The following CREG2 variants were observed in gnomAD, a reference collection of about 807,000 sequenced individuals.
The protein encoded by CREG2 is cellular repressor of E1A stimulated genes 2, also known as protein CREG2.
A neutral mutation model predicts 26.2 loss-of-function variants in CREG2; 24 were observed. The ratio of observed to expected loss-of-function variants is 0.92; its 90% CI spans 0.66 to 1.29. The LOEUF is 1.29. Ranked by LOEUF, CREG2 falls within the 50% of genes most tolerant of loss-of-function variation. The pLI is 0.00. For synonymous variants in CREG2, 174 were observed against 169.2 expected (o/e 1.03, Z -0.22); for missense variants, 366 against 398.6 (o/e 0.92, Z 0.70).
intron 2 of CREG2, among the ~76,000 whole-genome samples, chr2:101,365,714 C>A (rs1025927322): frequency 6.6e-6 from 1 of 152,108 alleles, no homozygotes; most frequent in Admixed American, 6.5e-5. Flanking sequence ...ATTGGCTTCT[C>A]TTGACAAATT....
intron 2 of CREG2, among the ~76,000 whole-genome samples, chr2:101,361,000 G>T (rs1228950445): frequency 6.6e-6 from 1 of 152,258 alleles, no homozygotes; most frequent in Non-Finnish European, 1.5e-5. Flanking sequence ...GTCATTAGTT[G>T]CACCCAATTT....
At position 101,367,285 on chromosome 2, in the gene CREG2, G is replaced by A. The variant is rs767275045; in HGVS notation, c.612-11919C>T. On this transcript the variant is annotated intron_variant, in intron 2 of 3. Transcript: ENST00000324768. ...CGAACAGTCCACTCTTGAGAGTCAA[G>A]GAACTGTCTAGCAAGACGGTTCAAT... Among the ~76,000 whole-genome samples, 191 of 152,258 alleles carry A rather than the reference G, an allele frequency of 1.3e-3. 1 individual carries two copies. Among genetic ancestry groups the A allele is most frequent in the Non-Finnish European group, 2.3e-3 (159 of 68,028 alleles).
At position 101,369,730 on chromosome 2, in the gene CREG2, C is replaced by T. The variant is rs542490611; in HGVS notation, c.611+13803G>A. ...ATGCTCTCTTTTTTTCATATTTATC[C>T]GTGACGGTGTTTAGCATGGCTCGTT... is the stretch of plus-strand genomic sequence containing the variant. On this transcript the variant is annotated intron_variant, in intron 2 of 3. Transcript: ENST00000324768. Among the ~76,000 whole-genome samples, 12 of 152,126 alleles carry T rather than the reference C, an allele frequency of 7.9e-5. No homozygotes were observed. The South Asian group carries it at 8.3e-4, about 10-fold the overall frequency.
intron 2 of CREG2, among the ~76,000 whole-genome samples, chr2:101,373,135 A>T (rs1288038888): frequency 6.6e-6 from 1 of 152,258 alleles, no homozygotes; most frequent in Non-Finnish European, 1.5e-5. Context: ...GAAATCATAT[A>T]CCTGCACAAA....
At position 101,363,598 on chromosome 2, in the gene CREG2, C is replaced by T. The variant is rs60567371; in HGVS notation, c.612-8232G>A. Among the ~76,000 whole-genome samples, 585 of 152,182 alleles carry T rather than the reference C, an allele frequency of 3.8e-3. 5 individuals are homozygous for T. The highest frequency in any genetic ancestry group is 0.012 in the African/African-American group (493 of 41,512). Reference sequence around the variant, plus strand: ...AAATATTGGAGGAAAGGATGTATTACGTTTTTTGAGGATTTCAGAAATTAT... The same window carrying T: ...AAATATTGGAGGAAAGGATGTATTATGTTTTTTGAGGATTTCAGAAATTAT... On this transcript the variant is annotated intron_variant, in intron 2 of 3. Transcript: ENST00000324768.
intron 2 of CREG2, among the ~76,000 whole-genome samples, chr2:101,359,445 G>A (rs914182476): frequency 2.0e-5 from 3 of 152,192 alleles, no homozygotes; most frequent in Non-Finnish European, 2.9e-5. Flanking sequence ...TCGTCTTGGT[G>A]CACACATGTG....
Position 101,383,591 on chromosome 2 carries a change from G to T in CREG2, c.553C>A (p.Leu185Met), listed in dbSNP as rs751561516. The change falls in exon 2 of 4, where the codon CTG becomes ATG. Residue 185 changes from leucine to methionine, a missense_variant. Physicochemically the swap from Leu to Met is conservative, Grantham distance 15. Around this residue, in one of 3 missense-constraint regions of CREG2, gnomAD observed 174 missense variants for 178.2 expected, o/e 0.98. Transcript: ENST00000324768. The part of the protein sequence containing the change: ...MTAKDPVVAD[L>M]MKNPMASLML... ...AGCGAGGCCATGGGGTTCTTCATCA[G>T]ATCAGCCACCACGGGGTCCTTGGCT... The T allele has an allele frequency of 1.2e-6, 2 of 1,614,188 alleles. No homozygotes were observed. Among genetic ancestry groups the T allele is most frequent in the Non-Finnish European group, 1.7e-6 (2 of 1,180,044 alleles).
At chr2:101,357,242 T>C (rs2104471501) in intron 2 of CREG2, among the ~76,000 whole-genome samples, 1 of 151,790 alleles carries the variant, frequency 6.6e-6, no homozygotes, top group South Asian at 2.1e-4. Flanking sequence ...AGGCTGGTCT[T>C]GAACTCCTGA....
At chr2:101,360,543 T>C (rs568108166) in intron 2 of CREG2, among the ~76,000 whole-genome samples, 1 of 152,092 alleles carries the variant, frequency 6.6e-6, no homozygotes, top group Non-Finnish European at 1.5e-5. Flanking sequence ...GAGACCAGCC[T>C]AGCCAACATG....
At chr2:101,371,436 G>C (rs1326198794) in intron 2 of CREG2, among the ~76,000 whole-genome samples, 1 of 152,194 alleles carries the variant, frequency 6.6e-6, no homozygotes, top group African/African-American at 2.4e-5. Context: ...AAAGGGAAAG[G>C]GAGGCTGAGC....
chr2:101,352,499 G>A (rs1684398354), intron 3 of CREG2, among the ~76,000 whole-genome samples: 1 of 152,192 alleles, frequency 6.6e-6, no homozygotes, highest in Non-Finnish European at 1.5e-5. Flanking sequence ...GAGACTGACA[G>A]TGAGGGCTTA....
intron 1 of CREG2, among the ~76,000 whole-genome samples, chr2:101,386,250 C>T (rs1056499701): frequency 6.6e-6 from 1 of 152,198 alleles, no homozygotes; most frequent in African/African-American, 2.4e-5. Context: ...TGTCCTATGC[C>T]TTCCATAAAA....
chr2:101,363,023 G>A (rs1684566601), intron 2 of CREG2, among the ~76,000 whole-genome samples: 1 of 152,202 alleles, frequency 6.6e-6, no homozygotes, highest in Non-Finnish European at 1.5e-5. Context: ...CACTCAACAG[G>A]TGGCCTCTGC....
chr2:101,362,551 A>T (rs1322251503), intron 2 of CREG2, among the ~76,000 whole-genome samples: 1 of 152,142 alleles, frequency 6.6e-6, no homozygotes, highest in African/African-American at 2.4e-5. Flanking sequence ...TGTTAATAGC[A>T]ATCAATGAGC....
Position 101,377,290 on chromosome 2 carries a change from C to A in CREG2, c.611+6243G>T, listed in dbSNP as rs528804024. On this transcript the variant is annotated intron_variant, in intron 2 of 3. Coordinates refer to ENST00000324768, the MANE Select transcript of CREG2 (RefSeq NM_153836.4). The stretch of plus-strand genomic sequence containing the variant: ...AATGTTTTTATTTCAGGAAAAGCAT[C>A]TGATAAAACCTCTTTGGGTTTCATT... Among the ~76,000 whole-genome samples, 10 of 151,988 alleles carry A rather than the reference C, an allele frequency of 6.6e-5. 1 individual carries two copies. In the South Asian group the frequency reaches 2.1e-3, roughly 32 times the overall value.
chr2:101,361,465 A>G (rs1347158507), intron 2 of CREG2, among the ~76,000 whole-genome samples: 1 of 152,174 alleles, frequency 6.6e-6, no homozygotes, highest in Non-Finnish European at 1.5e-5. Context: ...ACTGAGAAAG[A>G]CCTGCCTGGC....
At chr2:101,383,413 G>T in intron 2 of CREG2, 120 bp downstream of exon 2, 1 of 872,664 alleles carries the variant, frequency 1.1e-6, no homozygotes, top group South Asian at 1.7e-5. Context: ...TTTCAAGGGT[G>T]AACATCAATG....
Position 101,353,341 on chromosome 2 carries a change from T to C in CREG2, c.725+1912A>G, listed in dbSNP as rs548860837. Among the ~76,000 whole-genome samples, 6 of 152,358 alleles carry C rather than the reference T, an allele frequency of 3.9e-5. No individual in the cohort carries two copies. The South Asian group carries it at 1.2e-3, about 32-fold the overall frequency. ...GTCATGAAGCAAAAGAAGACATTTATGCGGCCAACAAATATATGAAACAAA... is the reference window on the plus strand; with the variant it reads ...GTCATGAAGCAAAAGAAGACATTTACGCGGCCAACAAATATATGAAACAAA... On this transcript the variant is annotated intron_variant, in intron 3 of 3. Coordinates refer to ENST00000324768, the MANE Select transcript of CREG2 (RefSeq NM_153836.4).
In CREG2 at chr2:101,350,934, T is replaced by C. The variant is rs139260475; in HGVS notation, c.862A>G (p.Arg288Gly). ...SREEYFKAVP[R>G]KA ...TTCTTCTCACTCCATCAGGCCTTTCTGGGAACTGCTTTGAAATATTCCTCC... is the reference window on the plus strand; with the variant it reads ...TTCTTCTCACTCCATCAGGCCTTTCCGGGAACTGCTTTGAAATATTCCTCC... The change falls in exon 4 of 4, where the codon AGA becomes GGA. Residue 288 changes from arginine (R) to glycine (G), a missense_variant. Around this residue, in one of 3 missense-constraint regions of CREG2, gnomAD observed 174 missense variants for 178.2 expected, o/e 0.98. Coordinates refer to ENST00000324768, the MANE Select transcript of CREG2 (RefSeq NM_153836.4). 4.8e-5 allele frequency: 77 copies of C among 1,614,186 alleles called. No homozygotes were observed. In the African/African-American group the frequency reaches 7.6e-4, roughly 16 times the overall value.
Sources: allele counts gnomAD v4.1 joint callset (sites outside exome capture counted in the v4.1 genomes callset), GRCh38; gene constraint gnomAD v4.1.1; regional missense constraint gnomAD v4.1.1; transcripts MANE v1.5; gene names NCBI Gene and HGNC (gene_info 2026-07-23, HGNC 2026-07-21).